Variants in PPARGC1A observed in about 807,000 individuals in gnomAD.
PPARGC1A encodes peroxisome proliferator-activated receptor gamma coactivator 1-alpha.
In PPARGC1A, 25 loss-of-function variants were observed where a neutral mutation model predicts 88.7. The ratio of observed to expected loss-of-function variants is 0.28; its 90% CI spans 0.21 to 0.39. The LOEUF is 0.39. Ranked by LOEUF, PPARGC1A falls within the 10% of genes least tolerant of loss-of-function variation. The pLI is 1.00. For synonymous variants in PPARGC1A, 363 were observed against 355.6 expected, an observed-to-expected ratio of 1.02 and a Z score of -0.24; for missense variants, 880 against 968.7, an observed-to-expected ratio of 0.91 and a Z score of 1.22.
the PPARGC1A span, among the ~76,000 whole-genome samples, chr4:24,198,148 T>G: frequency 6.6e-6 from 1 of 152,194 alleles, no homozygotes; most frequent in Non-Finnish European, 1.5e-5. Flanking sequence ...AGCAAATCAG[T>G]TCTGACCAAA....
the PPARGC1A span, among the ~76,000 whole-genome samples, chr4:24,072,845 A>G: frequency 6.6e-6 from 1 of 152,166 alleles, no homozygotes; most frequent in African/African-American, 2.4e-5. Context: ...AATTTTATGT[A>G]CATATATTAT....
chr4:24,454,902 CA>C, the PPARGC1A span, among the ~76,000 whole-genome samples: 75,255 of 145,976 alleles, frequency 0.52, 19,298 homozygotes, highest in African/African-American at 0.63. Flanking sequence ...TAGATTGTCA[CA>C]AAAAAAAAAA....
the PPARGC1A span, among the ~76,000 whole-genome samples, chr4:24,264,761 CCAGA>C: frequency 1.3e-5 from 2 of 152,188 alleles, no homozygotes; most frequent in Non-Finnish European, 2.9e-5. Flanking sequence ...TGCAAAAGCC[CCAGA>C]CAAAGACCAT....
chr4:24,077,071 G>T, the PPARGC1A span, among the ~76,000 whole-genome samples: 1 of 152,020 alleles, frequency 6.6e-6, no homozygotes, highest in Non-Finnish European at 1.5e-5. Flanking sequence ...ATATATACCA[G>T]CAAATCAGAC....
the PPARGC1A span, among the ~76,000 whole-genome samples, chr4:24,169,025 C>T: frequency 6.6e-6 from 1 of 152,134 alleles, no homozygotes; most frequent in Non-Finnish European, 1.5e-5. Context: ...ATCTGACAAA[C>T]ACTGCCTCAG....
rs58337219 is a variant in PPARGC1A at position 23,820,060 on chromosome 4, G to C, written c.877+4220C>G. Among the ~76,000 whole-genome samples, 763 of 152,144 alleles carry C rather than the reference G, an allele frequency of 5.0e-3. 4 individuals are homozygous for C. The highest frequency in any genetic ancestry group is 0.017 in the Middle Eastern group (5 of 294). On this transcript the variant is annotated intron_variant, in intron 7 of 12. Coordinates refer to ENST00000264867, the MANE Select transcript of PPARGC1A (RefSeq NM_013261.5). The stretch of plus-strand genomic sequence containing the variant: ...ACTTTTAAATTGAGAGTCCACAAAG[G>C]CAATGTAAAATTCAACATAAAAGTG...
the PPARGC1A span, among the ~76,000 whole-genome samples, chr4:24,069,285 T>C: frequency 1.3e-5 from 2 of 152,186 alleles, no homozygotes; most frequent in African/African-American, 4.8e-5. Context: ...GATATGGTAA[T>C]ACTGATTTTT....
At chr4:24,128,191 T>G in the PPARGC1A span, among the ~76,000 whole-genome samples, 12 of 152,182 alleles carry the variant, frequency 7.9e-5, no homozygotes. Flanking sequence ...AAAGAGCTTG[T>G]GCATTATACA....
chr4:23,925,849 AG>A, the PPARGC1A span, among the ~76,000 whole-genome samples: 27 of 152,258 alleles, frequency 1.8e-4, no homozygotes, highest in African/African-American at 4.1e-4. Flanking sequence ...AGAGAGAGAG[AG>A]AAAAAAATTT....
intron 4 of PPARGC1A, 130 bp from the exon 5 acceptor site, chr4:23,828,734 G>T: frequency 1.3e-6 from 1 of 752,210 alleles, no homozygotes; most frequent in Non-Finnish European, 2.2e-6. Flanking sequence ...TATGAGCTGT[G>T]AATAACTGTT....
At chr4:24,336,073 C>G in the PPARGC1A span, among the ~76,000 whole-genome samples, 1 of 151,580 alleles carries the variant, frequency 6.6e-6, no homozygotes, top group African/African-American at 2.4e-5. Flanking sequence ...CCTCATGCCT[C>G]TTTTAATTTT....
upstream of PPARGC1A, among the ~76,000 whole-genome samples, chr4:23,900,487 G>T (rs1411859766): frequency 3.3e-5 from 5 of 152,160 alleles, no homozygotes; most frequent in Non-Finnish European, 7.3e-5. Context: ...CTCATGTTAA[G>T]GTTAAAGAAA....
the PPARGC1A span, among the ~76,000 whole-genome samples, chr4:24,192,458 A>G: frequency 6.6e-6 from 1 of 152,258 alleles, no homozygotes; most frequent in Non-Finnish European, 1.5e-5. Flanking sequence ...AGACCCTGCC[A>G]ACTGAACATT....
the PPARGC1A span, among the ~76,000 whole-genome samples, chr4:24,135,719 G>A: frequency 3.9e-5 from 6 of 152,218 alleles, no homozygotes; most frequent in African/African-American, 7.2e-5. Flanking sequence ...GTCTCATTCC[G>A]GCTAGAAGTG....
chr4:24,047,241 TTTTC>T, the PPARGC1A span, among the ~76,000 whole-genome samples: 1 of 152,212 alleles, frequency 6.6e-6, no homozygotes, highest in Non-Finnish European at 1.5e-5. Flanking sequence ...CCTGATTTAT[TTTTC>T]TTTATCAGAC....
chr4:24,013,524 A>G, the PPARGC1A span, among the ~76,000 whole-genome samples: 1 of 152,242 alleles, frequency 6.6e-6, no homozygotes, highest in African/African-American at 2.4e-5. Context: ...AATAGACTGT[A>G]ACCTCCCTGA....
At chr4:23,911,489 C>T in the PPARGC1A span, among the ~76,000 whole-genome samples, 1 of 152,146 alleles carries the variant, frequency 6.6e-6, no homozygotes, top group Non-Finnish European at 1.5e-5. Flanking sequence ...AGCTAGAGTC[C>T]TGACATAATC....
At chr4:24,279,679 C>G in the PPARGC1A span, among the ~76,000 whole-genome samples, 2 of 152,144 alleles carry the variant, frequency 1.3e-5, no homozygotes, top group African/African-American at 4.8e-5. Context: ...CACTGACACA[C>G]GCGGCACCCT....
the PPARGC1A span, among the ~76,000 whole-genome samples, chr4:24,131,806 T>C: frequency 2.6e-5 from 4 of 152,320 alleles, no homozygotes; most frequent in South Asian, 4.1e-4. Context: ...AAGCTGACTC[T>C]TTTAAGCACT....
Sources: gnomAD v4.1 joint callset for allele counts (sites outside exome capture counted in the v4.1 genomes callset) on GRCh38, gnomAD v4.1.1 for gene constraint, MANE v1.5 for transcripts, NCBI Gene and HGNC (gene_info 2026-07-23, HGNC 2026-07-21) for gene names.